ZMAT4: variants seen among roughly 807,000 people sequenced by gnomAD.
The protein encoded by ZMAT4 is zinc finger matrin-type protein 4.
In ZMAT4, 17 loss-of-function variants were observed where a neutral mutation model predicts 28.7. The observed-to-expected ratio is 0.59, with a 90% CI of 0.41 to 0.89. ZMAT4 has a LOEUF of 0.89. ZMAT4 is among the 40% of genes least tolerant of loss of function. The pLI is 0.00. For synonymous variants in ZMAT4, 117 were observed against 109.2 expected (o/e 1.07, Z -0.44); for missense variants, 240 against 283.8 (o/e 0.85, Z 1.11).
At chr8:40,870,047 ATTCT>A (rs1817799321) in intron 1 of ZMAT4, among the ~76,000 whole-genome samples, 1 of 152,192 alleles carries the variant, frequency 6.6e-6, no homozygotes, top group Admixed American at 6.5e-5. Flanking sequence ...TGGGCTGGTT[ATTCT>A]AGGAAACTGC....
intron 2 of ZMAT4, among the ~76,000 whole-genome samples, chr8:40,800,989 C>T (rs1193702357): frequency 6.6e-6 from 1 of 151,374 alleles, no homozygotes; most frequent in African/African-American, 2.4e-5. Context: ...AAGCTAAGAA[C>T]AAAAAAGAGA....
At chr8:40,684,583 G>C (rs1001469924) in intron 4 of ZMAT4, among the ~76,000 whole-genome samples, 1 of 152,200 alleles carries the variant, frequency 6.6e-6, no homozygotes, top group Non-Finnish European at 1.5e-5. Context: ...TCCATACCCC[G>C]TGCTCAGGGT....
intron 3 of ZMAT4, among the ~76,000 whole-genome samples, chr8:40,749,501 A>T (rs570794400): frequency 6.6e-6 from 1 of 152,294 alleles, no homozygotes; most frequent in East Asian, 1.9e-4. Context: ...GTGGCATCAC[A>T]TTATCTGACC....
At chr8:40,682,498 A>C (rs1016855461) in intron 4 of ZMAT4, among the ~76,000 whole-genome samples, 1 of 152,228 alleles carries the variant, frequency 6.6e-6, no homozygotes, top group Admixed American at 6.5e-5. Flanking sequence ...CTGTCTTCTC[A>C]CATGATATGT....
At chr8:40,566,668 C>G (rs925875634) in intron 6 of ZMAT4, among the ~76,000 whole-genome samples, 9 of 152,116 alleles carry the variant, frequency 5.9e-5, no homozygotes, top group Non-Finnish European at 8.8e-5. Context: ...AAGCTCCCCC[C>G]TACTCAGTTG....
intron 1 of ZMAT4, chr8:40,884,819 AG>A: frequency 6.6e-6 from 1 of 152,220 alleles, no homozygotes; most frequent in South Asian, 2.1e-4. Flanking sequence ...TTGTAAATAA[AG>A]TTTTATTGGA....
At chr8:40,727,769 A>G (rs565404591) in intron 3 of ZMAT4, among the ~76,000 whole-genome samples, 2 of 152,374 alleles carry the variant, frequency 1.3e-5, no homozygotes, top group Non-Finnish European at 2.9e-5. Context: ...TTTATGAACT[A>G]TCACTATGAA....
chr8:40,564,432 T>C (rs939854958), intron 6 of ZMAT4, among the ~76,000 whole-genome samples: 2 of 152,184 alleles, frequency 1.3e-5, no homozygotes, highest in Non-Finnish European at 2.9e-5. Flanking sequence ...TATATTTCAG[T>C]CTCGGGCCAC....
intron 5 of ZMAT4, among the ~76,000 whole-genome samples, chr8:40,607,763 CT>C (rs1805649153): frequency 6.6e-6 from 1 of 152,120 alleles, no homozygotes; most frequent in South Asian, 2.1e-4. Flanking sequence ...AGTGATGTGA[CT>C]TTCTGAGAGC....
chr8:40,874,661 C>A (rs74737431), intron 1 of ZMAT4, among the ~76,000 whole-genome samples: 74 of 152,338 alleles, frequency 4.9e-4, no homozygotes, highest in African/African-American at 1.5e-3. Flanking sequence ...CCTCTCAGGG[C>A]AGGTAAGCAT....
chr8:40,594,883 T>C (rs954132953), intron 5 of ZMAT4, among the ~76,000 whole-genome samples: 4 of 152,202 alleles, frequency 2.6e-5, no homozygotes, highest in Admixed American at 6.5e-5. Context: ...TATATTTGAA[T>C]GGAAAATTAT....
chr8:40,830,520 T>C (rs6987900), intron 1 of ZMAT4, among the ~76,000 whole-genome samples: 36,468 of 152,078 alleles, frequency 0.24, 4,615 homozygotes, highest in South Asian at 0.32. Context: ...TTCATTCTTT[T>C]TGTGGTTGTG....
intron 3 of ZMAT4, among the ~76,000 whole-genome samples, chr8:40,717,734 A>G (rs1441287173): frequency 6.6e-6 from 1 of 152,196 alleles, no homozygotes; most frequent in African/African-American, 2.4e-5. Flanking sequence ...GTAAAAATGT[A>G]TATTTCTTGA....
chr8:40,861,322 G>A (rs769919386), intron 1 of ZMAT4, among the ~76,000 whole-genome samples: 4 of 152,172 alleles, frequency 2.6e-5, no homozygotes, highest in Non-Finnish European at 5.9e-5. Flanking sequence ...CAAGCAATGG[G>A]GAAAGATTCC....
chr8:40,544,848 A>C (rs1458414636), intron 6 of ZMAT4, among the ~76,000 whole-genome samples: 1 of 152,190 alleles, frequency 6.6e-6, no homozygotes, highest in Admixed American at 6.5e-5. Flanking sequence ...GCAGCTTCTG[A>C]AATTGCCTTC....
chr8:40,798,082 C>T (rs1204480018), intron 2 of ZMAT4, among the ~76,000 whole-genome samples: 2 of 152,170 alleles, frequency 1.3e-5, no homozygotes, highest in Non-Finnish European at 2.9e-5. Flanking sequence ...CACAGTATGT[C>T]GCCAAAGAAC....
At chr8:40,696,619 G>A (rs970023473) in intron 4 of ZMAT4, among the ~76,000 whole-genome samples, 9 of 152,054 alleles carry the variant, frequency 5.9e-5, no homozygotes, top group South Asian at 2.1e-4. Context: ...TCAAATCATC[G>A]GTTATCAATA....
At chr8:40,678,964 A>T (rs1809026030) in intron 4 of ZMAT4, among the ~76,000 whole-genome samples, 1 of 152,196 alleles carries the variant, frequency 6.6e-6, no homozygotes, top group Non-Finnish European at 1.5e-5. Context: ...GTGCCTTATT[A>T]TACATCCCAA....
rs1469815005 is a variant in ZMAT4 at position 40,714,931 on chromosome 8, C to A, written c.193-17530G>T. Among the ~76,000 whole-genome samples the A allele has an allele frequency of 2.0e-5, 3 of 150,262 alleles. No homozygotes were observed. In the East Asian group the frequency reaches 6.0e-4, roughly 30 times the overall value. ...AGGCGTGGTGGCACGCACCTGCAAT[C>A]CCAGCTACTTGGGAGGCTGAGGGAG... On this transcript the variant is annotated intron_variant, in intron 3 of 6. Coordinates refer to ENST00000297737, the MANE Select transcript of ZMAT4 (RefSeq NM_024645.3).
Sources: allele counts gnomAD v4.1 joint callset (sites outside exome capture counted in the v4.1 genomes callset), GRCh38; gene constraint gnomAD v4.1.1; transcripts MANE v1.5; gene names NCBI Gene and HGNC (gene_info 2026-07-23, HGNC 2026-07-21).